Variants in ASIC2 observed in about 807,000 individuals in gnomAD.
ASIC2 encodes acid-sensing ion channel 2.
A neutral mutation model predicts 57.3 loss-of-function variants in ASIC2; 25 were observed. The observed-to-expected ratio is 0.44, with a 90% CI of 0.32 to 0.61. The LOEUF (loss-of-function observed/expected upper bound fraction) is 0.61. Ranked by LOEUF, ASIC2 falls within the 20% of genes least tolerant of loss-of-function variation. The probability of loss-of-function intolerance (pLI) is 0.06; values close to 1 mark genes in which losing one functional copy is unlikely to be tolerated. For missense variants in ASIC2, 641 were observed against 738.1 expected, an observed-to-expected ratio of 0.87 and a Z score of 1.52; for synonymous variants, 319 against 307.5, an observed-to-expected ratio of 1.04 and a Z score of -0.39.
chr17:33,239,980 C>T (rs1178729993), intron 1 of ASIC2, among the ~76,000 whole-genome samples: 1 of 152,294 alleles, frequency 6.6e-6, no homozygotes. Flanking sequence ...TCTGTATCTG[C>T]CAGTTGACTT....
intron 1 of ASIC2, among the ~76,000 whole-genome samples, chr17:33,816,132 C>T (rs1287163648): frequency 8.7e-6 from 1 of 115,486 alleles, no homozygotes; most frequent in African/African-American, 3.4e-5. Flanking sequence ...GAGCAGGTGA[C>T]ACATGAGTTG....
In ASIC2 at chr17:34,156,038, C is replaced by A; in HGVS notation, c.495G>T (p.Lys165Asn). The change falls in exon 1 of 10, where the codon AAG (lysine) becomes AAT (asparagine). Residue 165 changes from lysine to asparagine, a missense_variant. Physicochemically the swap from Lys to Asn is moderately conservative, Grantham distance 94 (BLOSUM62 0). Coordinates refer to the ASIC2 transcript ENST00000359872. The surrounding 1 kb of genome is among the most constrained non-coding windows in gnomAD (Gnocchi z 4.4). ...TGAACTTGCAGTAGAGCATCATATC[C>A]TTCAGGTCATGGCCCACACGGTGCA... 1.2e-6 allele frequency: 2 copies of A among 1,614,004 alleles called. No individual in the cohort carries two copies. The highest frequency in any genetic ancestry group is 1.7e-6 in the Non-Finnish European group (2 of 1,180,008).
intron 1 of ASIC2, among the ~76,000 whole-genome samples, chr17:33,751,233 G>T (rs577904799): frequency 1.3e-5 from 2 of 152,188 alleles, no homozygotes; most frequent in Admixed American, 1.3e-4. Flanking sequence ...GCAGGAGACG[G>T]CTCATAGCTT....
intron 1 of ASIC2, among the ~76,000 whole-genome samples, chr17:33,850,920 C>T (rs1468439796): frequency 6.6e-6 from 1 of 152,024 alleles, no homozygotes; most frequent in East Asian, 1.9e-4. Flanking sequence ...GCCCATTAAC[C>T]TGGGGCAAGG....
At chr17:33,138,866 T>C (rs1476303814) in intron 1 of ASIC2, among the ~76,000 whole-genome samples, 3 of 152,186 alleles carry the variant, frequency 2.0e-5, no homozygotes, top group Non-Finnish European at 4.4e-5. Flanking sequence ...GCCTTTTCTG[T>C]CTCCAAGTCC....
chr17:33,158,850 T>C (rs1905084729), intron 1 of ASIC2, among the ~76,000 whole-genome samples: 1 of 152,248 alleles, frequency 6.6e-6, no homozygotes, highest in Non-Finnish European at 1.5e-5. Context: ...AGGTCAACTC[T>C]TGTAATTAAG....
At position 33,156,121 on chromosome 17, in the gene ASIC2, A is replaced by G. The variant is rs557283247; in HGVS notation, c.709-44054T>C. 4.1e-5 allele frequency among the ~76,000 whole-genome samples: 6 copies of G among 147,212 alleles called. No individual in the cohort carries two copies. The East Asian group carries it at 1.2e-3, about 30-fold the overall frequency. On this transcript the variant is annotated intron_variant, in intron 1 of 9. Transcript: ENST00000225823. ...TCAAACTTAGATACACATCAAAATC[A>G]CCTAGGGAGCTTGTTTTTTTTTTTT...
rs1298931522 is a variant in ASIC2, at chr17:34,156,654, G to T, written c.-122C>A. Reference sequence around the variant, plus strand: ...GGAGAGAACGCAAGGCAAGCATCGCGCCAGATGCTGTGAGTTTATCCTGAG... The same window carrying T: ...GGAGAGAACGCAAGGCAAGCATCGCTCCAGATGCTGTGAGTTTATCCTGAG... On this transcript the variant is annotated 5_prime_UTR_variant, in exon 1 of 10. Coordinates refer to the ASIC2 transcript ENST00000359872. This position sits in a 1 kb window ranked among gnomAD's most constrained non-coding sequence, Gnocchi z 4.4. 5.7e-6 allele frequency: 6 copies of T among 1,054,630 alleles called. No individual in the cohort carries two copies. Among genetic ancestry groups the T allele is most frequent in the Non-Finnish European group, 8.0e-6 (6 of 747,534 alleles). 65.3% of individuals were successfully genotyped at this position (1,054,630 alleles called of 1,614,324 possible).
chr17:33,895,164 C>T (rs1017682399), intron 1 of ASIC2, among the ~76,000 whole-genome samples: 24 of 107,232 alleles, frequency 2.2e-4, no homozygotes, highest in Non-Finnish European at 3.6e-4. Context: ...GTTTTTTTTG[C>T]TATTTTTTTT....
chr17:33,330,899 C>T (rs1053328770), intron 1 of ASIC2, among the ~76,000 whole-genome samples: 1 of 152,098 alleles, frequency 6.6e-6, no homozygotes, highest in Non-Finnish European at 1.5e-5. Context: ...AGGACAGAAA[C>T]AAACATTAAG....
At chr17:33,061,722 GT>G (rs1490784111) in intron 3 of ASIC2, among the ~76,000 whole-genome samples, 15 of 152,194 alleles carry the variant, frequency 9.9e-5, no homozygotes, top group Non-Finnish European at 2.9e-5. Context: ...GATTGGAATA[GT>G]TTCGGAAGGA....
At chr17:33,353,712 C>T (rs913658629) in intron 1 of ASIC2, among the ~76,000 whole-genome samples, 1 of 152,138 alleles carries the variant, frequency 6.6e-6, no homozygotes, top group Non-Finnish European at 1.5e-5. Context: ...GGAGTGACCT[C>T]TTCTTCCTAG....
intron 1 of ASIC2, among the ~76,000 whole-genome samples, chr17:33,925,111 T>A (rs754003101): frequency 3.9e-5 from 6 of 152,218 alleles, no homozygotes; most frequent in African/African-American, 7.2e-5. Flanking sequence ...GCCTCAGGCC[T>A]TTCCAGTGCA....
chr17:33,411,684 A>C (rs1433093205), intron 1 of ASIC2, among the ~76,000 whole-genome samples: 1 of 152,208 alleles, frequency 6.6e-6, no homozygotes, highest in Non-Finnish European at 1.5e-5. Context: ...AGGAAGAAAA[A>C]AATGAAGTCT....
intron 1 of ASIC2, among the ~76,000 whole-genome samples, chr17:33,804,673 C>G (rs1912221601): frequency 6.6e-6 from 1 of 152,178 alleles, no homozygotes; most frequent in Non-Finnish European, 1.5e-5. Context: ...AGGGAGAGCT[C>G]TGGGCATCAC....
chr17:34,018,600 T>C (rs558709421), intron 1 of ASIC2, among the ~76,000 whole-genome samples: 2 of 152,320 alleles, frequency 1.3e-5, no homozygotes, highest in South Asian at 2.1e-4. Context: ...TAAGAACATC[T>C]GTGATTCATA....
chr17:33,824,058 CAG>C (rs905797595), intron 1 of ASIC2, among the ~76,000 whole-genome samples: 1 of 152,096 alleles, frequency 6.6e-6, no homozygotes. Context: ...ACTTAAAAAA[CAG>C]AGAAAACATG....
chr17:33,588,690 A>G (rs992738246), intron 1 of ASIC2, among the ~76,000 whole-genome samples: 1 of 152,228 alleles, frequency 6.6e-6, no homozygotes, highest in Non-Finnish European at 1.5e-5. Flanking sequence ...TCACAGGCTC[A>G]TTTCAGTCCA....
At chr17:33,894,104 G>A (rs1009618341) in intron 1 of ASIC2, among the ~76,000 whole-genome samples, 2 of 152,172 alleles carry the variant, frequency 1.3e-5, no homozygotes, top group African/African-American at 4.8e-5. Context: ...TATTTTTGCT[G>A]GGGAATGGAA....
Sources: allele counts gnomAD v4.1 joint callset (sites outside exome capture counted in the v4.1 genomes callset), GRCh38; gene constraint gnomAD v4.1.1; non-coding constraint Gnocchi (gnomAD v3.1); transcripts MANE v1.5; gene names NCBI Gene and HGNC (gene_info 2026-07-23, HGNC 2026-07-21).